The following AFF2 variants were observed in gnomAD, a reference collection of about 807,000 sequenced individuals.
The protein encoded by AFF2 is ALF transcription elongation factor 2.
Under a neutral mutation model 76.9 loss-of-function variants are expected in AFF2, and 14 were observed. That is an observed-to-expected ratio of 0.18 (90% CI 0.12 to 0.28). The LOEUF (loss-of-function observed/expected upper bound fraction) is 0.28. Among genes scored for constraint, AFF2 ranks in the 10% least tolerant of loss-of-function variants. The pLI is 1.00. For synonymous variants in AFF2, 398 were observed against 366.7 expected (o/e 1.09, Z -0.98); for missense variants, 868 against 1,001.1 (o/e 0.87, Z 1.79).
intron 1 of AFF2, among the ~76,000 whole-genome samples, chrX:148,535,375 A>T (rs1954404464): frequency 1.8e-5 from 2 of 111,517 alleles, no homozygotes; most frequent in Admixed American, 9.5e-5. Context: ...TTAGCTAATC[A>T]TTCACTATGT....
intron 1 of AFF2, among the ~76,000 whole-genome samples, chrX:148,588,553 A>G (rs2053491875): frequency 8.9e-6 from 1 of 112,807 alleles, no homozygotes; most frequent in Non-Finnish European, 1.9e-5. Context: ...TTATTTCTCC[A>G]AAGCAATCAT....
At position 148,630,238 on chromosome X, in the gene AFF2, G is replaced by A. The variant is rs186351865; in HGVS notation, c.48-21761G>A. ...AGGAGGTTTCTCACACAAAGGGCCT[G>A]AAGGTAGCCATTTCCCAGGGGGCAT... On this transcript the variant is annotated intron_variant, in intron 1 of 20. Transcript: ENST00000370460. Among the ~76,000 whole-genome samples, 3 of 111,578 alleles carry A rather than the reference G, an allele frequency of 2.7e-5. No individual in the cohort carries two copies. In the Admixed American group the frequency reaches 2.8e-4, roughly 11 times the overall value.
At chrX:148,571,294 T>G (rs1297719503) in intron 1 of AFF2, among the ~76,000 whole-genome samples, 1 of 111,462 alleles carries the variant, frequency 9.0e-6, no homozygotes, top group Non-Finnish European at 1.9e-5. Flanking sequence ...AGATGACACT[T>G]CTGCCCTCCT....
At position 148,886,366 on chromosome X, in the gene AFF2, T is replaced by C. The variant is rs1047068713; in HGVS notation, c.1359+381T>C. Among the ~76,000 whole-genome samples, 38 of 111,413 alleles carry C rather than the reference T, an allele frequency of 3.4e-4. 1 individual carries two copies. The highest frequency in any genetic ancestry group is 3.1e-3 in the Admixed American group (32 of 10,485). Reference sequence around the variant, plus strand: ...TGTGAGGCTTGGAACCCATACTCATTAATTTAGATATAAATGTGATGCTTC... The same window carrying C: ...TGTGAGGCTTGGAACCCATACTCATCAATTTAGATATAAATGTGATGCTTC... On this transcript the variant is annotated intron_variant, in intron 8 of 20. Transcript: ENST00000370460.
chrX:148,610,759 G>T (rs965131503), intron 1 of AFF2, among the ~76,000 whole-genome samples: 3 of 111,537 alleles, frequency 2.7e-5, no homozygotes. Flanking sequence ...ATGGCATCAG[G>T]TTATCTCCAC....
intron 7 of AFF2, among the ~76,000 whole-genome samples, chrX:148,874,535 C>T (rs961613284): frequency 1.8e-5 from 2 of 111,406 alleles, no homozygotes; most frequent in Admixed American, 9.5e-5. Flanking sequence ...TATTCAGCTC[C>T]CAACCCTTTG....
At chrX:148,916,974 C>T (rs150898158) in intron 9 of AFF2, among the ~76,000 whole-genome samples, 3,000 of 112,320 alleles carry the variant, frequency 0.027, 36 homozygotes, top group Middle Eastern at 0.042. Flanking sequence ...TAAAGTTCAA[C>T]CGTCCTAGTT....
At chrX:148,911,099 A>ATG (rs1185702809) in intron 9 of AFF2, among the ~76,000 whole-genome samples, 123 of 107,355 alleles carry the variant, frequency 1.1e-3, no homozygotes, top group African/African-American at 3.0e-3. Flanking sequence ...ATATATGTGT[A>ATG]TGTGTGTGTG....
At chrX:148,620,548 T>C (rs181296935) in intron 1 of AFF2, among the ~76,000 whole-genome samples, 1 of 110,388 alleles carries the variant, frequency 9.1e-6, no homozygotes, top group African/African-American at 3.3e-5. Context: ...TATATTGTTC[T>C]TCTAGTGATT....
chrX:148,647,555 G>A (rs1486804062), intron 1 of AFF2, among the ~76,000 whole-genome samples: 3 of 111,000 alleles, frequency 2.7e-5, no homozygotes, highest in Non-Finnish European at 5.7e-5. Context: ...ATCTATACTC[G>A]AATCTAAATT....
At chrX:148,597,840 G>A (rs1181807030) in intron 1 of AFF2, among the ~76,000 whole-genome samples, 1 of 112,139 alleles carries the variant, frequency 8.9e-6, no homozygotes, top group Non-Finnish European at 1.9e-5. Context: ...ATTGCTAATC[G>A]CAAACTCTTC....
chrX:148,562,853 A>C (rs1180300174), intron 1 of AFF2, among the ~76,000 whole-genome samples: 1 of 111,888 alleles, frequency 8.9e-6, no homozygotes, highest in Non-Finnish European at 1.9e-5. Context: ...GCCTGGTTGC[A>C]TGGAGTTTAC....
chrX:148,517,744 G>A (rs1011180175), intron 1 of AFF2, among the ~76,000 whole-genome samples: 2 of 111,400 alleles, frequency 1.8e-5, no homozygotes, highest in African/African-American at 6.5e-5. Context: ...ATGGCTGGGC[G>A]TGGTGGCTCA....
At chrX:148,915,673 C>A (rs1239163135) in intron 9 of AFF2, among the ~76,000 whole-genome samples, 1 of 112,446 alleles carries the variant, frequency 8.9e-6, no homozygotes, top group Non-Finnish European at 1.9e-5. Context: ...ACAACTTATT[C>A]ATCTCTCTCA....
intron 1 of AFF2, among the ~76,000 whole-genome samples, chrX:148,643,270 C>G (rs782137163): frequency 1.8e-4 from 20 of 112,086 alleles, no homozygotes; most frequent in Non-Finnish European, 3.6e-4. Context: ...TGATCATATT[C>G]TAAAGTCATA....
At chrX:148,979,526 A>G (rs1046865472) in intron 18 of AFF2, among the ~76,000 whole-genome samples, 21 of 111,960 alleles carry the variant, frequency 1.9e-4, no homozygotes, top group Admixed American at 1.8e-3. Flanking sequence ...TGAAACAAGA[A>G]TGCCTTGCCC....
chrX:148,705,103 A>T lies in AFF2; in HGVS notation c.1041+42335A>T, dbSNP rs186120581. Among the ~76,000 whole-genome samples the T allele has an allele frequency of 4.5e-4, 50 of 112,273 alleles. 1 individual carries two copies. The highest frequency in any genetic ancestry group is 8.5e-4 in the Non-Finnish European group (45 of 53,251). ...CTCTTTGGATATTTTAAATATTTTA[A>T]TTGTAACATATATCCCACTTCAATT... On this transcript the variant is annotated intron_variant, in intron 3 of 20. Transcript: ENST00000370460.
In AFF2 at chrX:148,918,646, A is replaced by C. The variant is rs782467437; in HGVS notation, c.1397+14388A>C. Among the ~76,000 whole-genome samples the C allele has an allele frequency of 1.6e-4, 18 of 112,131 alleles. No individual in the cohort carries two copies. In the Admixed American group the frequency reaches 1.7e-3, roughly 11 times the overall value. On this transcript the variant is annotated intron_variant, in intron 9 of 20. Coordinates refer to ENST00000370460, the MANE Select transcript of AFF2 (RefSeq NM_002025.4). ...TCACCAAGTGGAAATGGAGAATATTATAAATGGAATACATTGAGCCTCCAG... is the reference window on the plus strand; with the variant it reads ...TCACCAAGTGGAAATGGAGAATATTCTAAATGGAATACATTGAGCCTCCAG...
chrX:148,635,903 G>A (rs2054025748), intron 1 of AFF2, among the ~76,000 whole-genome samples: 1 of 110,601 alleles, frequency 9.0e-6, no homozygotes, highest in Non-Finnish European at 1.9e-5. Flanking sequence ...TCCTGGCCCA[G>A]CATTAGTAGA....
Sources: allele counts gnomAD v4.1 joint callset (sites outside exome capture counted in the v4.1 genomes callset), GRCh38; gene constraint gnomAD v4.1.1; transcripts MANE v1.5; gene names NCBI Gene and HGNC (gene_info 2026-07-23, HGNC 2026-07-21).